EDA: variants seen among roughly 807,000 people sequenced by gnomAD.
EDA encodes ectodysplasin A.
EDA carries 2 observed loss-of-function variants against 23.6 expected under a neutral mutation model. The ratio of observed to expected loss-of-function variants is 0.08; its 90% CI spans 0.03 to 0.27. The LOEUF (loss-of-function observed/expected upper bound fraction) is 0.27, where lower values mean the gene tolerates loss of function less well. EDA is among the 10% of genes least tolerant of loss of function. The pLI, the probability that EDA is intolerant of heterozygous loss-of-function variation, is 1.00. For missense variants in EDA, 229 were observed against 324.2 expected, an observed-to-expected ratio of 0.71 and a Z score of 2.26; for synonymous variants, 131 against 132.0, an observed-to-expected ratio of 0.99 and a Z score of 0.05.
chrX:69,754,735 A>G (rs185497592), intron 1 of EDA, among the ~76,000 whole-genome samples: 62 of 111,578 alleles, frequency 5.6e-4, no homozygotes, highest in Admixed American at 5.0e-3. Flanking sequence ...ACATAGTCCC[A>G]TATTTCTTGG....
intron 1 of EDA, among the ~76,000 whole-genome samples, chrX:69,785,867 G>A (rs2015145989): frequency 9.2e-6 from 1 of 108,893 alleles, no homozygotes; most frequent in African/African-American, 3.3e-5. Flanking sequence ...CAGAAGGAAT[G>A]GTACCAGTTC....
At chrX:69,697,541 GTTATTC>G (rs1453767192) in intron 1 of EDA, among the ~76,000 whole-genome samples, 1 of 111,939 alleles carries the variant, frequency 8.9e-6, no homozygotes, top group Non-Finnish European at 1.9e-5. Flanking sequence ...TAATTTTTGG[GTTATTC>G]TTGACAGACG....
chrX:69,675,641 A>G (rs1934055537), intron 1 of EDA, among the ~76,000 whole-genome samples: 1 of 110,909 alleles, frequency 9.0e-6, no homozygotes, highest in African/African-American at 3.3e-5. Flanking sequence ...ATTAAGAACT[A>G]CCATCTACCA....
At position 69,965,774 on chromosome X, in the gene EDA, C is replaced by T. The variant is rs141485781; in HGVS notation, c.502+8642C>T. On this transcript the variant is annotated intron_variant, in intron 2 of 7. Transcript: ENST00000374552. ...TTTAATTTTAAAAATAGTCTGGACA[C>T]GGTGGCTTACGCCTGTAATCCCAGC... 8.5e-3 allele frequency among the ~76,000 whole-genome samples: 955 copies of T among 112,473 alleles called. 12 individuals are homozygous for T. The highest frequency in any genetic ancestry group is 0.029 in the African/African-American group (900 of 31,008).
At chrX:69,763,899 A>G (rs977495399) in intron 1 of EDA, among the ~76,000 whole-genome samples, 19 of 111,731 alleles carry the variant, frequency 1.7e-4, no homozygotes, top group African/African-American at 5.5e-4. Flanking sequence ...CATTTCATCC[A>G]TCAGCTACAT....
intron 1 of EDA, among the ~76,000 whole-genome samples, chrX:69,844,039 A>AAC (rs35325819): frequency 5.5e-5 from 6 of 108,535 alleles, no homozygotes; most frequent in Non-Finnish European, 1.1e-4. Flanking sequence ...AAAAAAAAAA[A>AAC]GACTTCATTA....
intron 1 of EDA, among the ~76,000 whole-genome samples, chrX:69,632,269 G>A (rs754731370): frequency 9.0e-6 from 1 of 111,344 alleles, no homozygotes; most frequent in Non-Finnish European, 1.9e-5. Flanking sequence ...TTCTCTTGTG[G>A]GGCTGGCTTG....
chrX:69,718,177 T>G (rs2012421904), intron 1 of EDA, among the ~76,000 whole-genome samples: 2 of 112,205 alleles, frequency 1.8e-5, no homozygotes, highest in African/African-American at 6.5e-5. Context: ...CTTGGTAAAC[T>G]CACTTATAGA....
chrX:69,968,543 G>C (rs749350063), intron 2 of EDA, among the ~76,000 whole-genome samples: 48 of 111,698 alleles, frequency 4.3e-4, no homozygotes, highest in Non-Finnish European at 7.2e-4. Flanking sequence ...TGCCCATTCA[G>C]GTACTTAATA....
intron 2 of EDA, among the ~76,000 whole-genome samples, chrX:69,961,383 G>A (rs948932438): frequency 1.8e-5 from 2 of 112,042 alleles, no homozygotes; most frequent in Admixed American, 9.5e-5. Context: ...AAACGGAAGG[G>A]ATGTAGTGAT....
At position 69,824,077 on chromosome X, in the gene EDA, AC is replaced by A. The variant is rs1197852595; in HGVS notation, c.397-132948del. Among the ~76,000 whole-genome samples the A allele has an allele frequency of 5.1e-5, 5 of 98,625 alleles. No homozygotes were observed. In the East Asian group the frequency reaches 1.7e-3, roughly 33 times the overall value. 85.6% of individuals were successfully genotyped at this position (98,625 alleles called of 115,157 possible). A position where few individuals can be genotyped will look rare whatever the true frequency, so the allele number is the denominator to read the frequency against. Reference sequence around the variant, plus strand: ...TCTATATCTCTGTTTTGGTACCAGTACCATGCTGTTTTGGTTACTGTAGCCT... The same window carrying A: ...TCTATATCTCTGTTTTGGTACCAGTACATGCTGTTTTGGTTACTGTAGCCT... On this transcript the variant is annotated intron_variant, in intron 1 of 7. Transcript: ENST00000374552.
chrX:69,721,260 C>T (rs955137219), intron 1 of EDA, among the ~76,000 whole-genome samples: 1 of 111,868 alleles, frequency 8.9e-6, no homozygotes, highest in Admixed American at 9.5e-5. Context: ...AGTCTTCCTC[C>T]AAAAGTGTTT....
intron 1 of EDA, among the ~76,000 whole-genome samples, chrX:69,694,260 G>T (rs1480943838): frequency 9.0e-6 from 1 of 111,511 alleles, no homozygotes; most frequent in Non-Finnish European, 1.9e-5. Flanking sequence ...TTCAGGTGTA[G>T]CACTGTTTAT....
At chrX:69,707,724 A>G (rs2011785031) in intron 1 of EDA, among the ~76,000 whole-genome samples, 1 of 111,305 alleles carries the variant, frequency 9.0e-6, no homozygotes, top group African/African-American at 3.3e-5. Context: ...AATTTGCTAG[A>G]GTTCCACATG....
chrX:69,919,548 C>A (rs778364923), intron 1 of EDA, among the ~76,000 whole-genome samples: 1 of 111,851 alleles, frequency 8.9e-6, no homozygotes, highest in South Asian at 3.7e-4. Context: ...TCAAGTCCAG[C>A]CTAGTGCACC....
At chrX:69,708,132 C>T (rs1433944567) in intron 1 of EDA, among the ~76,000 whole-genome samples, 1 of 111,756 alleles carries the variant, frequency 8.9e-6, no homozygotes, top group Non-Finnish European at 1.9e-5. Flanking sequence ...AAACTTTAGA[C>T]AAACTAAATT....
chrX:70,030,402 G>T, intron 5 of EDA, 67 bp from the exon 6 acceptor site: 1 of 961,301 alleles, frequency 1.0e-6, no homozygotes, highest in East Asian at 3.2e-5. Context: ...ATGGAAACAT[G>T]GGACTGGTGG....
chrX:69,949,806 T>C (rs896078884), intron 1 of EDA, among the ~76,000 whole-genome samples: 1 of 112,001 alleles, frequency 8.9e-6, no homozygotes, highest in Admixed American at 9.5e-5. Context: ...TTATGGCTCC[T>C]ACCTTGTGAA....
intron 2 of EDA, among the ~76,000 whole-genome samples, chrX:70,007,303 C>A (rs1477073917): frequency 9.0e-6 from 1 of 111,633 alleles, no homozygotes; most frequent in African/African-American, 3.3e-5. Context: ...TTGGCTGTGT[C>A]CCCACCTAAA....
Sources: gnomAD v4.1 joint callset for allele counts (sites outside exome capture counted in the v4.1 genomes callset) on GRCh38, gnomAD v4.1.1 for gene constraint, MANE v1.5 for transcripts, NCBI Gene and HGNC (gene_info 2026-07-23, HGNC 2026-07-21) for gene names.